LOC400499: variants seen among roughly 807,000 people sequenced by gnomAD.
chr16:11,473,325 C>G, the LOC400499 span, among the ~76,000 whole-genome samples: 7,362 of 150,246 alleles, frequency 0.049, 356 homozygotes, highest in East Asian at 0.17. Flanking sequence ...TAAATAGAGC[C>G]CTCCCCAACC....
chr16:11,414,204 T>C, the LOC400499 span: 2 of 397,696 alleles, frequency 5.0e-6, no homozygotes, highest in African/African-American at 2.1e-5. Flanking sequence ...AATGAAGCCT[T>C]TGTAAATTGT....
chr16:11,373,908 C>A, the LOC400499 span, among the ~76,000 whole-genome samples: 2 of 152,136 alleles, frequency 1.3e-5, no homozygotes, highest in South Asian at 2.1e-4. Flanking sequence ...GCATGAGTGA[C>A]CTTGCCTGGC....
the LOC400499 span, chr16:11,448,105 G>A: frequency 4.4e-5 from 67 of 1,523,484 alleles, no homozygotes; most frequent in African/African-American, 1.1e-4. Context: ...AGAGAGGGAC[G>A]GGCCAGCAGG....
the LOC400499 span, chr16:11,423,212 C>G: frequency 7.5e-6 from 3 of 399,380 alleles, no homozygotes; most frequent in Non-Finnish European, 8.8e-6. Context: ...CCCCTCGGCA[C>G]CATCCTAACA....
chr16:11,445,250 G>C, the LOC400499 span, among the ~76,000 whole-genome samples: 1 of 151,984 alleles, frequency 6.6e-6, no homozygotes. Context: ...GTAAAACCCA[G>C]TCTCTACTAA....
At chr16:11,487,519 G>A in the LOC400499 span, 3 of 369,062 alleles carry the variant, frequency 8.1e-6, no homozygotes, top group African/African-American at 2.9e-5. Flanking sequence ...GCCAGGATGG[G>A]AAACAGCCTT....
chr16:11,401,270 C>T, the LOC400499 span: 5 of 399,044 alleles, frequency 1.3e-5, no homozygotes, highest in Admixed American at 8.8e-5. Context: ...ACTCACCTGC[C>T]GGCTCTGCCT....
At chr16:11,385,873 C>T in the LOC400499 span, among the ~76,000 whole-genome samples, 8 of 152,178 alleles carry the variant, frequency 5.3e-5, no homozygotes, top group African/African-American at 1.7e-4. Flanking sequence ...GAATCGTACA[C>T]TTAAAATTCA....
chr16:11,513,257 T>A, the LOC400499 span, among the ~76,000 whole-genome samples: 2 of 151,402 alleles, frequency 1.3e-5, no homozygotes, highest in East Asian at 3.9e-4. Flanking sequence ...AACAAAAAAT[T>A]AGCCAGGCAT....
chr16:11,429,647 T>A, the LOC400499 span, among the ~76,000 whole-genome samples: 1 of 152,088 alleles, frequency 6.6e-6, no homozygotes, highest in East Asian at 1.9e-4. Flanking sequence ...CTAATTTTTG[T>A]GTTTTCAGTA....
At chr16:11,484,442 T>C in the LOC400499 span, among the ~76,000 whole-genome samples, 2,996 of 152,310 alleles carry the variant, frequency 0.02, 93 homozygotes, top group African/African-American at 0.069. Context: ...AACCATGTAC[T>C]AGTGTTCACC....
At chr16:11,497,524 G>C in the LOC400499 span, among the ~76,000 whole-genome samples, 5 of 152,216 alleles carry the variant, frequency 3.3e-5, no homozygotes, top group African/African-American at 1.2e-4. Flanking sequence ...CACAGACAGG[G>C]CAGGCTCGGG....
chr16:11,435,890 G>A, the LOC400499 span: 21 of 399,146 alleles, frequency 5.3e-5, no homozygotes, highest in Admixed American at 1.8e-4. Context: ...CTGCAGGGAG[G>A]CAGGGGAGGG....
chr16:11,498,561 C>T, the LOC400499 span, among the ~76,000 whole-genome samples: 5 of 152,090 alleles, frequency 3.3e-5, no homozygotes, highest in Non-Finnish European at 5.9e-5. Context: ...TACTCTCTCC[C>T]TGCTTGCCCC....
At chr16:11,393,164 C>CCT in the LOC400499 span, among the ~76,000 whole-genome samples, 94 of 115,122 alleles carry the variant, frequency 8.2e-4, 3 homozygotes, top group East Asian at 2.6e-3. Flanking sequence ...ACCCCCCCCC[C>CCT]TTTTTTTTAA....
At chr16:11,506,266 C>G in the LOC400499 span, among the ~76,000 whole-genome samples, 6 of 152,286 alleles carry the variant, frequency 3.9e-5, no homozygotes, top group East Asian at 3.9e-4. Context: ...CTCAGGTGAT[C>G]TGCCCGCCTC....
At chr16:11,384,029 C>T in the LOC400499 span, 6 of 1,231,846 alleles carry the variant, frequency 4.9e-6, no homozygotes, top group South Asian at 4.1e-5. Flanking sequence ...GGATGCAAGA[C>T]TCAGGCCTCC....
chr16:11,417,671 G>T, the LOC400499 span: 2 of 399,186 alleles, frequency 5.0e-6, no homozygotes, highest in East Asian at 7.1e-5. Flanking sequence ...GCCTCGCCTG[G>T]GAACCCTGCC....
the LOC400499 span, among the ~76,000 whole-genome samples, chr16:11,473,429 T>G: frequency 3.3e-5 from 5 of 152,248 alleles, no homozygotes; most frequent in South Asian, 1.0e-3. Flanking sequence ...GAGATCATAT[T>G]CAGTGTTGCT....
Sources: allele counts gnomAD v4.1 joint callset (sites outside exome capture counted in the v4.1 genomes callset), GRCh38; gene constraint gnomAD v4.1.1; transcripts MANE v1.5.